RFC3: variants seen among roughly 807,000 people sequenced by gnomAD.
The protein encoded by RFC3 is A1 38 kDa subunit.
RFC3 carries 41 observed loss-of-function variants against 45.1 expected under a neutral mutation model. The ratio of observed to expected loss-of-function variants is 0.91; its 90% CI spans 0.71 to 1.18. The LOEUF is 1.18. Among genes scored for constraint, RFC3 ranks in the 50% most tolerant of loss-of-function variants. RFC3 has a pLI of 0.00. For missense variants in RFC3, 423 were observed against 428.1 expected, an observed-to-expected ratio of 0.99 and a Z score of 0.10; for synonymous variants, 149 against 144.0, an observed-to-expected ratio of 1.03 and a Z score of -0.25.
At position 33,835,200 on chromosome 13, in the gene RFC3, C is replaced by T. The variant is rs779597368; in HGVS notation, c.862C>T (p.Pro288Ser). The change falls in exon 8 of 9, where the codon CCT (proline) becomes TCT (serine). Residue 288 changes from proline (P) to serine (S), a missense_variant. By Grantham distance (74) the Pro-to-Ser change is moderately conservative. Transcript: ENST00000380071. ...LYELLTHCIP[P>S]EIIMKGLLSE... ...TGAGCTTCTAACTCATTGTATTCCT[C>T]CTGAGATAATAATGAAGGTAACCCA... is the stretch of plus-strand genomic sequence containing the variant. 1 of 1,608,910 alleles carries T rather than the reference C, an allele frequency of 6.2e-7. No individual in the cohort carries two copies. Among genetic ancestry groups the T allele is most frequent in the East Asian group, 2.2e-5 (1 of 44,832 alleles).
chr13:33,847,575 A>C (rs1162077998), intron 8 of RFC3: 1 of 151,878 alleles, frequency 6.6e-6, no homozygotes, highest in Non-Finnish European at 1.5e-5. Flanking sequence ...AATATGGTCA[A>C]GTATCTCTTA....
intron 8 of RFC3, among the ~76,000 whole-genome samples, chr13:33,920,420 CTTT>C (rs777079510): frequency 7.2e-5 from 6 of 83,176 alleles, no homozygotes; most frequent in Admixed American, 4.4e-4. Flanking sequence ...TACAACCACA[CTTT>C]TTTTTTTTTT....
At chr13:33,960,363 C>G (rs1444446306) in intron 8 of RFC3, among the ~76,000 whole-genome samples, 1 of 152,192 alleles carries the variant, frequency 6.6e-6, no homozygotes, top group Non-Finnish European at 1.5e-5. Flanking sequence ...GCTCTGGTAC[C>G]TTAAAGGATA....
chr13:33,830,571 T>C, intron 5 of RFC3, 148 bp from the exon 6 acceptor site: 2 of 541,740 alleles, frequency 3.7e-6, no homozygotes, highest in Non-Finnish European at 3.1e-6. Context: ...TTGTGTTAGA[T>C]GCAGAGTGGT....
At chr13:33,852,284 A>T (rs1566395765) in intron 8 of RFC3, among the ~76,000 whole-genome samples, 1 of 152,254 alleles carries the variant, frequency 6.6e-6, no homozygotes, top group East Asian at 1.9e-4. Flanking sequence ...CATCTTTGAG[A>T]AGAATCAGTG....
chr13:33,862,725 G>C (rs1409478429), intron 8 of RFC3, among the ~76,000 whole-genome samples: 1 of 151,858 alleles, frequency 6.6e-6, no homozygotes, highest in Non-Finnish European at 1.5e-5. Context: ...ATCTTCTATA[G>C]CTGTGTCTTA....
chr13:33,901,301 A>G (rs2082640377), intron 8 of RFC3, among the ~76,000 whole-genome samples: 1 of 152,096 alleles, frequency 6.6e-6, no homozygotes, highest in Admixed American at 6.6e-5. Flanking sequence ...AGTGCCCATC[A>G]ATGGATGAAT....
intron 2 of RFC3, among the ~76,000 whole-genome samples, chr13:33,822,745 C>G (rs1380095873): frequency 6.6e-6 from 1 of 152,074 alleles, no homozygotes. Context: ...AAATGAAACA[C>G]TAAATATCTT....
chr13:33,835,573 G>A (rs1019572585), intron 8 of RFC3: 3 of 440,862 alleles, frequency 6.8e-6, no homozygotes, highest in East Asian at 6.2e-5. Flanking sequence ...TTTTCACAAA[G>A]GTAACCACTT....
chr13:33,955,601 A>G (rs889522532), intron 8 of RFC3, among the ~76,000 whole-genome samples: 1 of 152,202 alleles, frequency 6.6e-6, no homozygotes, highest in Non-Finnish European at 1.5e-5. Flanking sequence ...TTTGCTCAAC[A>G]TAAGTGTTGT....
chr13:33,938,902 T>G (rs894054784), intron 8 of RFC3, among the ~76,000 whole-genome samples: 1 of 152,178 alleles, frequency 6.6e-6, no homozygotes, highest in African/African-American at 2.4e-5. Flanking sequence ...CTCTTCAATC[T>G]TTCAGGTTTT....
At chr13:33,958,780 A>G (rs866041420) in intron 8 of RFC3, among the ~76,000 whole-genome samples, 16 of 152,142 alleles carry the variant, frequency 1.1e-4, no homozygotes, top group African/African-American at 3.9e-4. Flanking sequence ...GATGAATACC[A>G]TGAGCATCCT....
At chr13:33,901,304 G>T (rs1382858863) in intron 8 of RFC3, among the ~76,000 whole-genome samples, 1 of 151,906 alleles carries the variant, frequency 6.6e-6, no homozygotes, top group African/African-American at 2.4e-5. Context: ...GCCCATCAAT[G>T]GATGAATGGA....
At chr13:33,884,759 C>T (rs576270753) in intron 8 of RFC3, among the ~76,000 whole-genome samples, 29 of 152,312 alleles carry the variant, frequency 1.9e-4, no homozygotes, top group Admixed American at 1.6e-3. Flanking sequence ...ATCTGAGCTT[C>T]TTATGGGTTT....
intron 8 of RFC3, among the ~76,000 whole-genome samples, chr13:33,936,523 A>G (rs772906845): frequency 4.6e-5 from 7 of 152,170 alleles, no homozygotes; most frequent in African/African-American, 1.2e-4. Context: ...ACCTAATCCA[A>G]TATGACTGAA....
intron 4 of RFC3, among the ~76,000 whole-genome samples, chr13:33,827,041 G>GTCTGATGC (rs1300287330): frequency 6.6e-6 from 1 of 152,094 alleles, no homozygotes; most frequent in Non-Finnish European, 1.5e-5. Context: ...GTTAAATATT[G>GTCTGATGC]TCTGATGCTT....
chr13:33,818,392 C>G, intron 1 of RFC3, 127 bp downstream of exon 1: 1 of 686,738 alleles, frequency 1.5e-6, no homozygotes, highest in South Asian at 1.8e-5. Context: ...AGAAAAATAA[C>G]ACAGGGAAGG....
chr13:33,910,286 C>A (rs1442064853), intron 8 of RFC3, among the ~76,000 whole-genome samples: 2 of 152,048 alleles, frequency 1.3e-5, no homozygotes, highest in African/African-American at 4.8e-5. Flanking sequence ...TAGCTGGTGT[C>A]TGAGGCCCAG....
At chr13:33,872,049 C>T (rs1340941771) in intron 8 of RFC3, among the ~76,000 whole-genome samples, 1 of 152,096 alleles carries the variant, frequency 6.6e-6, no homozygotes, top group East Asian at 1.9e-4. Flanking sequence ...TTTGTTTCTT[C>T]AATTTTTTTT....
Sources: gnomAD v4.1 joint callset for allele counts (sites outside exome capture counted in the v4.1 genomes callset) on GRCh38, gnomAD v4.1.1 for gene constraint, MANE v1.5 for transcripts, NCBI Gene and HGNC (gene_info 2026-07-23, HGNC 2026-07-21) for gene names.